Variants in DNAJA1 observed in about 807,000 individuals in gnomAD.
DNAJA1 encodes the protein dnaJ homolog subfamily A member 1.
A neutral mutation model predicts 47.6 loss-of-function variants in DNAJA1; 26 were observed. The ratio of observed to expected loss-of-function variants is 0.55; its 90% CI spans 0.40 to 0.76. The LOEUF is 0.76. Among genes scored for constraint, DNAJA1 ranks in the 30% least tolerant of loss-of-function variants. The probability of loss-of-function intolerance (pLI) is 0.00; values close to 1 mark genes in which losing one functional copy is unlikely to be tolerated. For missense variants in DNAJA1, 315 were observed against 485.0 expected (o/e 0.65, Z 3.29); for synonymous variants, 165 against 158.4 (o/e 1.04, Z -0.31).
chr9:33,025,702 G>A (rs927946222), intron 1 of DNAJA1, among the ~76,000 whole-genome samples: 1 of 150,934 alleles, frequency 6.6e-6, no homozygotes, highest in Non-Finnish European at 1.5e-5. Flanking sequence ...TCGGGGTGGG[G>A]GGGGGGAGTG....
At chr9:33,029,385 T>C (rs1471673418) in intron 3 of DNAJA1, among the ~76,000 whole-genome samples, 2 of 152,250 alleles carry the variant, frequency 1.3e-5, no homozygotes, top group Non-Finnish European at 2.9e-5. Flanking sequence ...TAGAAATTGA[T>C]ACTCTTCTGT....
At chr9:33,026,772 G>GT (rs758486595) in intron 2 of DNAJA1, 41 bp from the exon 3 acceptor site, 38 of 1,601,628 alleles carry the variant, frequency 2.4e-5, no homozygotes, top group Non-Finnish European at 3.0e-5. Flanking sequence ...GGTAACACTT[G>GT]TTTTTTAAAA....
chr9:33,030,804 G>C, intron 5 of DNAJA1, 137 bp downstream of exon 5: 3 of 765,616 alleles, frequency 3.9e-6, no homozygotes, highest in Non-Finnish European at 6.2e-6. Flanking sequence ...TAGCAGCTTA[G>C]TAAATAATGT....
chr9:33,031,340 A>T (rs1016942248), intron 5 of DNAJA1, among the ~76,000 whole-genome samples: 1 of 152,044 alleles, frequency 6.6e-6, no homozygotes, highest in Admixed American at 6.5e-5. Context: ...TCAGGTGATG[A>T]CCTGCCTCGG....
rs750767685 is a variant in DNAJA1, at chr9:33,038,823, A to G, written c.1114A>G (p.Arg372Gly). The change falls in exon 9 of 9, where the codon AGA (arginine) becomes GGA (glycine). Residue 372 changes from arginine (R) to glycine (G), a missense_variant. Physicochemically the swap from Arg to Gly is moderately radical, Grantham distance 125 (BLOSUM62 -2). Around this residue, in one of 4 missense-constraint regions of DNAJA1, gnomAD observed 162 missense variants for 185.4 expected, o/e 0.87. Coordinates refer to ENST00000330899, the MANE Select transcript of DNAJA1 (RefSeq NM_001539.4). ...GGTGGACTTTGATCCAAATCAGGAA[A>G]GACGGCGCCACTACAATGGAGAAGC... is the stretch of plus-strand genomic sequence containing the variant. ...ELVDFDPNQE[R>G]RRHYNGEAYE... The G allele has an allele frequency of 4.3e-6, 7 of 1,614,040 alleles. No homozygotes were observed. The highest frequency in any genetic ancestry group is 4.0e-5 in the African/African-American group (3 of 74,932).
chr9:33,033,100 C>CGTT lies in DNAJA1; in HGVS notation c.644-1114_644-1112dup, dbSNP rs532556041. On this transcript the variant is annotated intron_variant, in intron 5 of 8. Coordinates refer to ENST00000330899, the MANE Select transcript of DNAJA1 (RefSeq NM_001539.4). ...CTTACATGAGTTATGTTCTAAGAGA[C>CGTT]GTTGCCCAAACCCTTACTGAACTAA... 8.6e-5 allele frequency among the ~76,000 whole-genome samples: 13 copies of CGTT among 151,022 alleles called. No individual in the cohort carries two copies. The East Asian group carries it at 2.3e-3, about 27-fold the overall frequency.
intron 1 of DNAJA1, among the ~76,000 whole-genome samples, chr9:33,025,610 A>T (rs1252380601): frequency 1.3e-5 from 2 of 151,874 alleles, no homozygotes; most frequent in Non-Finnish European, 2.9e-5. Flanking sequence ...CTCCTTCCCC[A>T]GCCTGGGATC....
At position 33,025,299 on chromosome 9, in the gene DNAJA1, G is replaced by C. The variant is rs113852575; in HGVS notation, c.-95G>C. The C allele has an allele frequency of 2.0e-5, 3 of 152,470 alleles. No homozygotes were observed. Among genetic ancestry groups the C allele is most frequent in the Non-Finnish European group, 2.9e-5 (2 of 68,056 alleles). The allele number at this position is 152,470 out of a possible 1,614,324, so 9.4% of individuals were successfully genotyped here. On this transcript the variant is annotated 5_prime_UTR_variant, in exon 1 of 9. Transcript: ENST00000330899. ...CGGAACTTTCCAGAACGCTCGGTGAGAGGCGGAGGAGCGGTAACTACCCCG... is the reference window on the plus strand; with the variant it reads ...CGGAACTTTCCAGAACGCTCGGTGACAGGCGGAGGAGCGGTAACTACCCCG...
At chr9:33,036,483 T>C (rs537025140) in intron 6 of DNAJA1, 91 bp from the exon 7 acceptor site, 1 of 744,882 alleles carries the variant, frequency 1.3e-6, no homozygotes, top group East Asian at 2.7e-5. Flanking sequence ...TAAAAGACCC[T>C]TTGCTTTTAT....
intron 8 of DNAJA1, chr9:33,037,380 G>A: frequency 3.5e-6 from 1 of 287,906 alleles, no homozygotes; most frequent in Non-Finnish European, 6.6e-6. Flanking sequence ...TTTTTCCACA[G>A]CAAGAAATAT....
intron 6 of DNAJA1, 56 bp downstream of exon 6, chr9:33,034,386 TG>T: frequency 7.1e-7 from 1 of 1,401,720 alleles, no homozygotes; most frequent in East Asian, 2.3e-5. Flanking sequence ...TTGTTGGTTT[TG>T]TTTTTTGTTT....
chr9:33,039,278 A>G lies in DNAJA1; in HGVS notation c.*375A>G, dbSNP rs759928022. On this transcript the variant is annotated 3_prime_UTR_variant, in exon 9 of 9. Transcript: ENST00000330899. ...TTAAGCTATGAAAGTAAAACTCTGT[A>G]TTTAACTGGCAATGAGGAAAAAAAA... 3.6e-4 allele frequency: 65 copies of G among 181,862 alleles called. No individual in the cohort carries two copies. The highest frequency in any genetic ancestry group is 6.2e-4 in the Non-Finnish European group (53 of 85,446). 11.3% of individuals were successfully genotyped at this position (181,862 alleles called of 1,614,324 possible).
chr9:33,025,704 G>T (rs544430927), intron 1 of DNAJA1, among the ~76,000 whole-genome samples: 9 of 152,144 alleles, frequency 5.9e-5, no homozygotes, highest in South Asian at 2.1e-4. Context: ...GGGGTGGGGG[G>T]GGGGAGTGGG....
chr9:33,028,294 T>C lies in DNAJA1; in HGVS notation c.310+1304T>C, dbSNP rs1176498966. Among the ~76,000 whole-genome samples the C allele has an allele frequency of 3.3e-5, 5 of 152,256 alleles. No homozygotes were observed. In the East Asian group the frequency reaches 9.6e-4, roughly 29 times the overall value. ...TCAGCTTTATTGTGTCAAAATTATG[T>C]ATTTAATATGTTTATCAGGAAAGTG... On this transcript the variant is annotated intron_variant, in intron 3 of 8. Transcript: ENST00000330899.
rs1241505227 is a variant in DNAJA1, at chr9:33,039,329, A to G, written c.*426A>G. 9 of 158,940 alleles carry G rather than the reference A, an allele frequency of 5.7e-5. No homozygotes were observed. The highest frequency in any genetic ancestry group is 6.9e-5 in the Non-Finnish European group (5 of 72,136). The allele number at this position is 158,940 out of a possible 1,614,324, so 9.8% of individuals were successfully genotyped here. ...ATTTTGTAGAGAAGTGTTGGTCTGT[A>G]TAGTTCTTTATATTAAGTGGGATTC... On this transcript the variant is annotated 3_prime_UTR_variant, in exon 9 of 9. Coordinates refer to ENST00000330899, the MANE Select transcript of DNAJA1 (RefSeq NM_001539.4).
At chr9:33,036,506 C>A in intron 6 of DNAJA1, 68 bp from the exon 7 acceptor site, 2 of 1,011,446 alleles carry the variant, frequency 2.0e-6, no homozygotes, top group Non-Finnish European at 2.9e-6. Context: ...AACAAAAAAA[C>A]AGCCTGCTTT....
In DNAJA1 at chr9:33,030,711, A is replaced by C; in HGVS notation, c.643+44A>C. ...ATTCTGAAGTCTTGAATGCTGTGGC[A>C]GATTTATTATTAACATTTTATAATT... On this transcript the variant is annotated intron_variant, in intron 5 of 8. Transcript: ENST00000330899. 3 of 1,458,268 alleles carry C rather than the reference A, an allele frequency of 2.1e-6. No homozygotes were observed. The East Asian group carries it at 7.2e-5, about 35-fold the overall frequency. The allele number at this position is 1,458,268 out of a possible 1,614,324, so 90.3% of individuals were successfully genotyped here.
In DNAJA1 at chr9:33,029,898, A is replaced by G. The variant is rs1244175443; in HGVS notation, c.324A>G (p.Val108=). The part of the protein sequence containing the change: ...MQRERRGKNV[V]HQLSVTLEDL... ...ATTTTGTTTTAGGTAAAAATGTTGT[A>G]CATCAGCTCTCAGTAACCCTAGAAG... is the stretch of plus-strand genomic sequence containing the variant. The change falls in exon 4 of 9, where the codon GTA becomes GTG. Residue 108 remains valine, a synonymous_variant. Transcript: ENST00000330899. The G allele has an allele frequency of 1.2e-6, 2 of 1,606,704 alleles. No individual in the cohort carries two copies. Among genetic ancestry groups the G allele is most frequent in the Admixed American group, 3.4e-5 (2 of 58,120 alleles).
chr9:33,032,846 G>GC (rs1838981372), intron 5 of DNAJA1, among the ~76,000 whole-genome samples: 1 of 152,134 alleles, frequency 6.6e-6, no homozygotes, highest in African/African-American at 2.4e-5. Flanking sequence ...TATGTGGGGG[G>GC]CATGCGTAGG....
Sources: allele counts gnomAD v4.1 joint callset (sites outside exome capture counted in the v4.1 genomes callset), GRCh38; gene constraint gnomAD v4.1.1; regional missense constraint gnomAD v4.1.1; transcripts MANE v1.5; gene names NCBI Gene and HGNC (gene_info 2026-07-23, HGNC 2026-07-21).